Variants in IFT88 observed in about 807,000 individuals in gnomAD.
The protein encoded by IFT88 is intraflagellar transport protein 88 homolog.
IFT88 carries 74 observed loss-of-function variants against 119.5 expected under a neutral mutation model. The ratio of observed to expected loss-of-function variants is 0.62; its 90% CI spans 0.51 to 0.75. IFT88 has a LOEUF of 0.75. Ranked by LOEUF, IFT88 falls within the 30% of genes least tolerant of loss-of-function variation. The pLI is 0.00. For synonymous variants in IFT88, 279 were observed against 316.7 expected, an observed-to-expected ratio of 0.88 and a Z score of 1.26; for missense variants, 961 against 977.7, an observed-to-expected ratio of 0.98 and a Z score of 0.23.
At chr13:20,663,208 T>C in intron 22 of IFT88, 1 of 1,337,724 alleles carries the variant, frequency 7.5e-7, no homozygotes, top group East Asian at 4.1e-5. Context: ...TAACAAATGT[T>C]ACATTTGCCT....
chr13:20,598,690 A>G lies in IFT88; in HGVS notation c.634A>G (p.Met212Val). Residue 212 changes from methionine (M) to valine (V), a missense_variant, in exon 10 of 26, where the codon ATG (methionine) becomes GTG (valine). By Grantham distance (21) the Met-to-Val change is conservative (BLOSUM62 1). Transcript: ENST00000351808. ...GGCCAGTCAGTATTCAGTTAATGAAATGTATGCCGAAGCACTTAACACTTA... is the reference window on the plus strand; with the variant it reads ...GGCCAGTCAGTATTCAGTTAATGAAGTGTATGCCGAAGCACTTAACACTTA... The part of the protein sequence containing the change: ...NLASQYSVNE[M>V]YAEALNTYQV... 6.2e-7 allele frequency: 1 copy of G among 1,611,470 alleles called. No homozygotes were observed. Among genetic ancestry groups the G allele is most frequent in the Non-Finnish European group, 8.5e-7 (1 of 1,178,286 alleles).
chr13:20,589,304 G>A (rs1405804419), intron 3 of IFT88, among the ~76,000 whole-genome samples: 1 of 152,082 alleles, frequency 6.6e-6, no homozygotes, highest in Non-Finnish European at 1.5e-5. Context: ...AACATTTTTA[G>A]TATACTTTCA....
intron 23 of IFT88, 61 bp downstream of exon 23, chr13:20,663,665 C>T: frequency 8.4e-7 from 1 of 1,188,400 alleles, no homozygotes; most frequent in Non-Finnish European, 1.2e-6. Context: ...CCTTCTATAG[C>T]TCAAATGTGT....
At chr13:20,571,068 A>G (rs2036264939) in intron 1 of IFT88, among the ~76,000 whole-genome samples, 1 of 152,068 alleles carries the variant, frequency 6.6e-6, no homozygotes, top group African/African-American at 2.4e-5. Flanking sequence ...ATCTCGGCCC[A>G]CTGCAACCTC....
chr13:20,598,352 C>A (rs1362071991), intron 9 of IFT88, among the ~76,000 whole-genome samples: 1 of 152,098 alleles, frequency 6.6e-6, no homozygotes, highest in Non-Finnish European at 1.5e-5. Flanking sequence ...TGATCACCAG[C>A]AGCATTAATG....
At chr13:20,677,291 A>G (rs1261169691) in intron 24 of IFT88, among the ~76,000 whole-genome samples, 1 of 152,200 alleles carries the variant, frequency 6.6e-6, no homozygotes, top group Non-Finnish European at 1.5e-5. Context: ...GATCAATAGA[A>G]GTAGGGGGTG....
chr13:20,590,416 G>C (rs549605353), intron 4 of IFT88, among the ~76,000 whole-genome samples: 2 of 152,082 alleles, frequency 1.3e-5, no homozygotes, highest in African/African-American at 2.4e-5. Flanking sequence ...GAAGAATTAG[G>C]TGGAATAGCT....
In IFT88 at chr13:20,615,868, A is replaced by G. The variant is rs371394460; in HGVS notation, c.1188A>G (p.Ala396=). 5.6e-6 allele frequency: 9 copies of G among 1,601,422 alleles called. No individual in the cohort carries two copies. Among genetic ancestry groups the G allele is most frequent in the Non-Finnish European group, 7.7e-6 (9 of 1,172,098 alleles). ...IAPVIETSFA[A]GYDWCVEVVK... ...CTGTAATTGAAACATCTTTTGCTGC[A>G]GGTTATGATTGGTAAGAGAGAAAGT... is the stretch of plus-strand genomic sequence containing the variant. The change falls in exon 14 of 26, where the codon GCA becomes GCG. Residue 396 remains alanine (A), a synonymous_variant. Transcript: ENST00000351808.
Position 20,679,195 on chromosome 13 carries a change from A to G in IFT88, c.2242+8156A>G, listed in dbSNP as rs769524293. On this transcript the variant is annotated intron_variant, in intron 24 of 25. Transcript: ENST00000351808. The stretch of plus-strand genomic sequence containing the variant: ...ATTGTAACTGCATTCTGTATTTTAG[A>G]CTAACTACTCAATCTCCTAGCCACA... Among the ~76,000 whole-genome samples the G allele has an allele frequency of 3.9e-5, 6 of 152,212 alleles. No individual in the cohort carries two copies. In the South Asian group the frequency reaches 6.2e-4, roughly 16 times the overall value.
At chr13:20,657,097 C>G (rs2052949397) in intron 22 of IFT88, among the ~76,000 whole-genome samples, 1 of 152,196 alleles carries the variant, frequency 6.6e-6, no homozygotes, top group Non-Finnish European at 1.5e-5. Flanking sequence ...ACGTTGTGAT[C>G]CGCCTACCTT....
Position 20,639,180 on chromosome 13 carries a change from C to T in IFT88, c.1573+662C>T, listed in dbSNP as rs1757104413. Among the ~76,000 whole-genome samples, 9 of 152,260 alleles carry T rather than the reference C, an allele frequency of 5.9e-5. No homozygotes were observed. In the South Asian group the frequency reaches 1.9e-3, roughly 32 times the overall value. On this transcript the variant is annotated intron_variant, in intron 17 of 25. Transcript: ENST00000351808. ...AACTTTTCTTCTGAAGTTTTCTTCTCCCTGCCTAGGTATTTTTTGCTTTCT... is the reference window on the plus strand; with the variant it reads ...AACTTTTCTTCTGAAGTTTTCTTCTTCCTGCCTAGGTATTTTTTGCTTTCT...
intron 15 of IFT88, 130 bp downstream of exon 15, chr13:20,625,979 A>G (rs908485460): frequency 3.2e-5 from 10 of 316,356 alleles, no homozygotes; most frequent in Non-Finnish European, 5.5e-5. Context: ...TTTTATTTCT[A>G]TTTTATGTTA....
rs933044699 is a variant in IFT88, at chr13:20,649,312, C to G, written c.1949+4354C>G. 9.2e-5 allele frequency among the ~76,000 whole-genome samples: 14 copies of G among 152,166 alleles called. No individual in the cohort carries two copies. In the East Asian group the frequency reaches 2.1e-3, roughly 23 times the overall value. The stretch of plus-strand genomic sequence containing the variant: ...TTGAACTCATACAAATTATCTTTTT[C>G]TGTCATAATGTAATGAAACTAGAAA... On this transcript the variant is annotated intron_variant, in intron 20 of 25. Coordinates refer to ENST00000351808, the MANE Select transcript of IFT88 (RefSeq NM_006531.5).
At chr13:20,675,537 A>T (rs573820944) in intron 24 of IFT88, among the ~76,000 whole-genome samples, 1 of 152,300 alleles carries the variant, frequency 6.6e-6, no homozygotes, top group East Asian at 1.9e-4. Context: ...TAACCTGCCA[A>T]TGTGTCGTCT....
intron 3 of IFT88, among the ~76,000 whole-genome samples, chr13:20,588,077 C>T (rs1273246888): frequency 1.4e-5 from 2 of 147,604 alleles, no homozygotes; most frequent in East Asian, 2.0e-4. Context: ...TTTATTATTC[C>T]ATTTTCTTTT....
intron 10 of IFT88, 23 bp from the exon 11 acceptor site, chr13:20,599,428 T>A: frequency 2.4e-6 from 2 of 822,706 alleles, no homozygotes; most frequent in Non-Finnish European, 4.0e-6. Flanking sequence ...GTATTATACA[T>A]TCATTAAATT....
chr13:20,633,354 C>T (rs549533424), intron 16 of IFT88, among the ~76,000 whole-genome samples: 1 of 152,054 alleles, frequency 6.6e-6, no homozygotes, highest in Non-Finnish European at 1.5e-5. Context: ...TTTGTACCCC[C>T]ACCCCAGCCA....
At chr13:20,677,228 T>G (rs906225799) in intron 24 of IFT88, among the ~76,000 whole-genome samples, 3 of 152,206 alleles carry the variant, frequency 2.0e-5, no homozygotes, top group Non-Finnish European at 4.4e-5. Flanking sequence ...CGGCGTTCAT[T>G]TTTACAATTT....
chr13:20,657,969 A>G (rs1228276064), intron 22 of IFT88, among the ~76,000 whole-genome samples: 1 of 152,142 alleles, frequency 6.6e-6, no homozygotes. Context: ...TAGCTCAGTT[A>G]TGGTCTTTGG....
Sources: allele counts gnomAD v4.1 joint callset (sites outside exome capture counted in the v4.1 genomes callset), GRCh38; gene constraint gnomAD v4.1.1; transcripts MANE v1.5; gene names NCBI Gene and HGNC (gene_info 2026-07-23, HGNC 2026-07-21).